TXLNG: variants seen among roughly 807,000 people sequenced by gnomAD.
TXLNG encodes gamma-taxilin.
In TXLNG, 5 loss-of-function variants were observed where a neutral mutation model predicts 38.8. The observed-to-expected ratio is 0.13, with a 90% confidence interval of 0.07 to 0.27. The LOEUF (loss-of-function observed/expected upper bound fraction) is 0.27. Ranked by LOEUF, TXLNG falls within the 10% of genes least tolerant of loss-of-function variation. The probability of loss-of-function intolerance (pLI) is 1.00; values close to 1 mark genes in which losing one functional copy is unlikely to be tolerated. For missense variants in TXLNG, 393 were observed against 398.2 expected, an observed-to-expected ratio of 0.99 and a Z score of 0.11; for synonymous variants, 182 against 158.2, an observed-to-expected ratio of 1.15 and a Z score of -1.13.
rs144643089 is a variant in TXLNG, at chrX:16,824,882, C to T, written c.499-3212C>T. 7.8e-3 allele frequency among the ~76,000 whole-genome samples: 852 copies of T among 109,078 alleles called. 8 individuals carry two copies. The highest frequency in any genetic ancestry group is 0.027 in the African/African-American group (804 of 29,833). 94.7% of individuals were successfully genotyped at this position (109,078 alleles called of 115,157 possible). ...CGGAAGTTGCAGTGAGCCAAGATCG[C>T]ACCACTGCATTCCAGCCTGGGCAGC... On this transcript the variant is annotated intron_variant, in intron 3 of 9. Transcript: ENST00000380122.
chrX:16,835,078 TAAAA>T (rs998731218), intron 7 of TXLNG, among the ~76,000 whole-genome samples: 8 of 96,049 alleles, frequency 8.3e-5, no homozygotes, highest in African/African-American at 3.1e-4. Context: ...GTTAGCTCCT[TAAAA>T]AAAAAAAAAG....
At position 16,842,538 on chromosome X, in the gene TXLNG, C is replaced by G. The variant is rs1454471820; in HGVS notation, c.*772C>G. 8.9e-6 allele frequency: 1 copy of G among 111,799 alleles called. No individual in the cohort carries two copies. Among genetic ancestry groups the G allele is most frequent in the Non-Finnish European group, 1.9e-5 (1 of 53,186 alleles). 9.2% of individuals were successfully genotyped at this position (111,799 alleles called of 1,213,427 possible). ...TTGATTCTGATTTGGGATTTCAGTA[C>G]ATATTCTCCACTTCCCATAGAAGGC... is the stretch of plus-strand genomic sequence containing the variant. On this transcript the variant is annotated 3_prime_UTR_variant, in exon 10 of 10. Coordinates refer to ENST00000380122, the MANE Select transcript of TXLNG (RefSeq NM_018360.3).
intron 1 of TXLNG, among the ~76,000 whole-genome samples, chrX:16,801,616 T>G (rs1182599683): frequency 9.1e-6 from 1 of 109,996 alleles, no homozygotes; most frequent in Admixed American, 9.6e-5. Flanking sequence ...GGTCAACTGA[T>G]TTATTTAAAG....
intron 1 of TXLNG, among the ~76,000 whole-genome samples, chrX:16,817,247 A>G (rs1000583138): frequency 8.9e-6 from 1 of 112,126 alleles, no homozygotes; most frequent in Admixed American, 9.5e-5. Context: ...TTGGATACAC[A>G]TATGTACACA....
chrX:16,830,830 CGTGTGTGT>C (rs1186714021), intron 5 of TXLNG, among the ~76,000 whole-genome samples: 1,297 of 37,892 alleles, frequency 0.034, 26 homozygotes, highest in East Asian at 0.052. Flanking sequence ...ACCGTAATTC[CGTGTGTGT>C]GTGTGTGTGT....
At chrX:16,786,656 C>T (rs1240658827) in intron 1 of TXLNG, 67 bp downstream of exon 1, 117 of 790,113 alleles carry the variant, frequency 1.5e-4, no homozygotes, top group Non-Finnish European at 1.8e-4. Context: ...TTTTCAGGGT[C>T]CACCTCTTCT....
intron 8 of TXLNG, chrX:16,839,179 C>G (rs1929705458): frequency 8.9e-6 from 1 of 112,103 alleles, no homozygotes; most frequent in African/African-American, 3.2e-5. Flanking sequence ...TGGGGACCCA[C>G]TTTATCTTTA....
At chrX:16,795,868 A>G (rs1318651636) in intron 1 of TXLNG, among the ~76,000 whole-genome samples, 1 of 103,339 alleles carries the variant, frequency 9.7e-6, no homozygotes, top group Admixed American at 1.1e-4. Flanking sequence ...GCTGGAGTGC[A>G]GTGGTGCGAT....
intron 3 of TXLNG, among the ~76,000 whole-genome samples, chrX:16,826,114 G>T (rs999675654): frequency 2.7e-5 from 3 of 111,537 alleles, no homozygotes; most frequent in African/African-American, 9.8e-5. Flanking sequence ...AAGGAATAAT[G>T]AACGCCGGAT....
intron 7 of TXLNG, among the ~76,000 whole-genome samples, chrX:16,837,367 A>G (rs1408701119): frequency 8.9e-6 from 1 of 111,953 alleles, no homozygotes; most frequent in Non-Finnish European, 1.9e-5. Flanking sequence ...GTTATGACCA[A>G]TGGGTGGAGA....
intron 9 of TXLNG, 147 bp downstream of exon 9, chrX:16,840,063 T>C (rs903687088): frequency 9.7e-6 from 4 of 413,347 alleles, no homozygotes; most frequent in Non-Finnish European, 1.6e-5. Flanking sequence ...TGGGGATGAG[T>C]TGCTGGGTAG....
At chrX:16,839,994 G>C in intron 9 of TXLNG, 78 bp downstream of exon 9, 5 of 771,944 alleles carry the variant, frequency 6.5e-6, no homozygotes, top group Non-Finnish European at 9.3e-6. Flanking sequence ...CGGGGCCGGG[G>C]ACGTGTGCTG....
intron 3 of TXLNG, 58 bp downstream of exon 3, chrX:16,820,313 C>A (rs1335455936): frequency 6.4e-6 from 6 of 936,945 alleles, no homozygotes; most frequent in Non-Finnish European, 8.9e-6. Flanking sequence ...TGTGTGTGTG[C>A]TTGATAAGTT....
intron 7 of TXLNG, 144 bp downstream of exon 7, chrX:16,834,501 T>C (rs1929522684): frequency 5.0e-6 from 2 of 397,866 alleles, no homozygotes; most frequent in African/African-American, 2.6e-5. Context: ...AGAAATCTCA[T>C]GGCCCTCTTG....
rs756503029 is a variant in TXLNG at position 16,843,577 on chromosome X, C to T, written c.*1811C>T. On this transcript the variant is annotated 3_prime_UTR_variant, in exon 10 of 10. Transcript: ENST00000380122. Reference sequence around the variant, plus strand: ...GGTATAGATCAGAAATATAATCCACCTTAAAATTAGTACTAATGATCACAT... The same window carrying T: ...GGTATAGATCAGAAATATAATCCACTTTAAAATTAGTACTAATGATCACAT... 8 of 111,888 alleles carry T rather than the reference C, an allele frequency of 7.2e-5. No individual in the cohort carries two copies. Among genetic ancestry groups the T allele is most frequent in the African/African-American group, 2.3e-4 (7 of 30,777 alleles). 9.2% of individuals were successfully genotyped at this position (111,888 alleles called of 1,213,427 possible).
intron 1 of TXLNG, among the ~76,000 whole-genome samples, chrX:16,800,322 T>G (rs1043143102): frequency 1.2e-4 from 13 of 111,516 alleles, no homozygotes; most frequent in Admixed American, 2.9e-4. Context: ...TGGCACAGTC[T>G]CAGCTCGCTG....
intron 1 of TXLNG, among the ~76,000 whole-genome samples, chrX:16,809,775 C>T (rs991235232): frequency 1.8e-5 from 2 of 111,584 alleles, no homozygotes; most frequent in African/African-American, 6.5e-5. Flanking sequence ...CTGTGTAACC[C>T]CAATGTATGT....
At chrX:16,831,302 AC>A (rs1929405753) in intron 5 of TXLNG, among the ~76,000 whole-genome samples, 1 of 112,161 alleles carries the variant, frequency 8.9e-6, no homozygotes, top group Admixed American at 9.4e-5. Context: ...GTGAGGTGGT[AC>A]TCACCTGTAG....
chrX:16,843,828 T>C lies in TXLNG; in HGVS notation c.*2062T>C, dbSNP rs1929972913. The C allele has an allele frequency of 1.8e-5, 2 of 111,802 alleles. No homozygotes were observed. The highest frequency in any genetic ancestry group is 2.8e-4 in the East Asian group (1 of 3,583). 9.2% of individuals were successfully genotyped at this position (111,802 alleles called of 1,213,427 possible). On this transcript the variant is annotated 3_prime_UTR_variant, in exon 10 of 10. Coordinates refer to ENST00000380122, the MANE Select transcript of TXLNG (RefSeq NM_018360.3). ...AGATGCTATTATAGTGTTGAAAGGATATGGATTCTGTCTGGGATGCATTTG... is the reference window on the plus strand; with the variant it reads ...AGATGCTATTATAGTGTTGAAAGGACATGGATTCTGTCTGGGATGCATTTG...
Sources: allele counts gnomAD v4.1 joint callset (sites outside exome capture counted in the v4.1 genomes callset), GRCh38; gene constraint gnomAD v4.1.1; transcripts MANE v1.5; gene names NCBI Gene and HGNC (gene_info 2026-07-23, HGNC 2026-07-21).